The following PDE1A variants were observed in gnomAD, a reference collection of about 807,000 sequenced individuals.
PDE1A encodes the protein dual specificity calcium/calmodulin-dependent 3',5'-cyclic nucleotide phosphodiesterase 1A.
Under a neutral mutation model 61.7 loss-of-function variants are expected in PDE1A, and 35 were observed. That is an observed-to-expected ratio of 0.57 (90% CI 0.43 to 0.75). PDE1A has a LOEUF of 0.75. PDE1A is among the 30% of genes least tolerant of loss of function. PDE1A has a pLI of 0.00. For missense variants in PDE1A, 597 were observed against 630.6 expected, an observed-to-expected ratio of 0.95 and a Z score of 0.57; for synonymous variants, 232 against 213.2, an observed-to-expected ratio of 1.09 and a Z score of -0.77.
chr2:182,236,886 A>T (rs1341567600), intron 3 of PDE1A, among the ~76,000 whole-genome samples: 1 of 152,224 alleles, frequency 6.6e-6, no homozygotes, highest in Non-Finnish European at 1.5e-5. Context: ...TTCCAAAGAG[A>T]TAGCAAAACT....
the PDE1A span, among the ~76,000 whole-genome samples, chr2:182,552,494 G>C: frequency 2.0e-5 from 3 of 149,882 alleles, no homozygotes; most frequent in Non-Finnish European, 4.4e-5. Flanking sequence ...ACCCAGGCTG[G>C]AGGGTGGTGG....
the PDE1A span, among the ~76,000 whole-genome samples, chr2:182,648,280 G>A: frequency 2.6e-5 from 4 of 151,930 alleles, no homozygotes; most frequent in Admixed American, 1.3e-4. Context: ...TTAATAAGAC[G>A]GTCCAGTTGT....
chr2:182,617,539 G>C, the PDE1A span, among the ~76,000 whole-genome samples: 10 of 152,190 alleles, frequency 6.6e-5, no homozygotes, highest in Admixed American at 1.3e-4. Flanking sequence ...TTGAACCTAA[G>C]AGTGGTCTTG....
At chr2:182,540,083 G>A in the PDE1A span, among the ~76,000 whole-genome samples, 1 of 152,152 alleles carries the variant, frequency 6.6e-6, no homozygotes, top group Admixed American at 6.5e-5. Flanking sequence ...AGTAGGAAGT[G>A]GCTGGGTGCA....
chr2:182,279,247 G>T (rs2125844680), intron 1 of PDE1A, among the ~76,000 whole-genome samples: 1 of 152,024 alleles, frequency 6.6e-6, no homozygotes, highest in East Asian at 1.9e-4. Flanking sequence ...GAGAAAATAT[G>T]CCACTCTGTA....
chr2:182,145,952 A>C (rs1690472020), downstream of PDE1A, among the ~76,000 whole-genome samples: 1 of 152,212 alleles, frequency 6.6e-6, no homozygotes, highest in Non-Finnish European at 1.5e-5. Flanking sequence ...GGAACTAATA[A>C]TAACATCTCT....
chr2:182,542,439 T>G, the PDE1A span, among the ~76,000 whole-genome samples: 10 of 152,148 alleles, frequency 6.6e-5, no homozygotes, highest in Non-Finnish European at 1.5e-4. Context: ...TCACTGAAGA[T>G]GTATGAAAAT....
At chr2:182,283,418 CAT>C (rs1348713682) in intron 1 of PDE1A, among the ~76,000 whole-genome samples, 3 of 143,694 alleles carry the variant, frequency 2.1e-5, no homozygotes, top group Admixed American at 7.0e-5. Flanking sequence ...CACACACACA[CAT>C]ACACACACAC....
At chr2:182,231,740 C>T (rs933499407) in intron 4 of PDE1A, among the ~76,000 whole-genome samples, 15 of 151,806 alleles carry the variant, frequency 9.9e-5, no homozygotes. Flanking sequence ...ATAGTGAAAC[C>T]CCATCTCTAC....
At chr2:182,671,753 G>A in the PDE1A span, among the ~76,000 whole-genome samples, 1 of 150,580 alleles carries the variant, frequency 6.6e-6, no homozygotes, top group African/African-American at 2.4e-5. Context: ...CCAAGTAGCT[G>A]GTACTACAGG....
the PDE1A span, among the ~76,000 whole-genome samples, chr2:182,586,945 A>G: frequency 3.4e-4 from 52 of 152,224 alleles, no homozygotes; most frequent in Non-Finnish European, 7.2e-4. Flanking sequence ...GAAGAGATAA[A>G]AACAAAGCAC....
chr2:182,698,989 C>A, the PDE1A span, among the ~76,000 whole-genome samples: 2 of 152,206 alleles, frequency 1.3e-5, no homozygotes, highest in Non-Finnish European at 1.5e-5. Flanking sequence ...CAATATTTGT[C>A]AACTAACATG....
the PDE1A span, among the ~76,000 whole-genome samples, chr2:182,536,955 T>C: frequency 6.6e-6 from 1 of 152,196 alleles, no homozygotes; most frequent in Non-Finnish European, 1.5e-5. Flanking sequence ...CCAGCTTCTT[T>C]AGTCTTCCCA....
At chr2:182,357,850 A>G (rs1699283864) in intron 1 of PDE1A, among the ~76,000 whole-genome samples, 1 of 152,224 alleles carries the variant, frequency 6.6e-6, no homozygotes, top group Non-Finnish European at 1.5e-5. Flanking sequence ...GAGTTAAGGC[A>G]CATGCCTCAA....
intron 1 of PDE1A, among the ~76,000 whole-genome samples, chr2:182,274,209 A>G (rs946115924): frequency 2.6e-5 from 4 of 152,102 alleles, no homozygotes; most frequent in African/African-American, 7.2e-5. Flanking sequence ...ATTTGAACCT[A>G]TGAATTTTGG....
chr2:182,603,011 A>C, the PDE1A span, among the ~76,000 whole-genome samples: 2 of 152,142 alleles, frequency 1.3e-5, no homozygotes, highest in East Asian at 3.9e-4. Context: ...ACATACATAC[A>C]TACATACATA....
intron 2 of PDE1A, among the ~76,000 whole-genome samples, chr2:182,457,324 C>T (rs10497601): frequency 0.18 from 27,536 of 151,680 alleles, 3,028 homozygotes; most frequent in Middle Eastern, 0.35. Flanking sequence ...ATATAGTAGG[C>T]CATTTTTCTC....
At chr2:182,527,085 A>G (rs988439039), upstream of PDE1A, among the ~76,000 whole-genome samples, 1 of 149,548 alleles carries the variant, frequency 6.7e-6, no homozygotes, top group African/African-American at 2.5e-5. Context: ...AAAAGGAAGT[A>G]AAAAGAATTT....
chr2:182,716,773 C>T, the PDE1A span, among the ~76,000 whole-genome samples: 164 of 152,282 alleles, frequency 1.1e-3, no homozygotes, highest in African/African-American at 3.9e-3. Context: ...ATCTTTACCC[C>T]TCTCCCCTCT....
Sources: gnomAD v4.1 joint callset for allele counts (sites outside exome capture counted in the v4.1 genomes callset) on GRCh38, gnomAD v4.1.1 for gene constraint, MANE v1.5 for transcripts, NCBI Gene and HGNC (gene_info 2026-07-23, HGNC 2026-07-21) for gene names.